LACTBL1: variants seen among roughly 807,000 people sequenced by gnomAD.
The protein encoded by LACTBL1 is lactamase beta like 1.
Under a neutral mutation model 39.6 loss-of-function variants are expected in LACTBL1, and 29 were observed. The observed-to-expected ratio is 0.73, with a 90% CI of 0.55 to 1.00. The LOEUF (loss-of-function observed/expected upper bound fraction) is 1.00, where lower values mean the gene tolerates loss of function less well. Among genes scored for constraint, LACTBL1 ranks in the 50% least tolerant of loss-of-function variants. The probability of loss-of-function intolerance (pLI) is 0.00; values close to 1 mark genes in which losing one functional copy is unlikely to be tolerated. For missense variants in LACTBL1, 711 were observed against 748.5 expected, an observed-to-expected ratio of 0.95 and a Z score of 0.59; for synonymous variants, 361 against 360.7, an observed-to-expected ratio of 1.00 and a Z score of -0.01.
At chr1:22,954,471 C>G (rs1640742502) in intron 5 of LACTBL1, among the ~76,000 whole-genome samples, 1 of 152,234 alleles carries the variant, frequency 6.6e-6, no homozygotes, top group South Asian at 2.1e-4. Flanking sequence ...CAAGAGGCCT[C>G]TTTTCTTTCC....
chr1:22,967,787 ATTTAC>A (rs551137958), upstream of LACTBL1, among the ~76,000 whole-genome samples: 49 of 152,096 alleles, frequency 3.2e-4, no homozygotes, highest in Non-Finnish European at 5.1e-4. Context: ...GTCCTTGCTT[ATTTAC>A]TTTGTCTGTT....
chr1:22,960,867 C>T (rs994122004), intron 2 of LACTBL1, among the ~76,000 whole-genome samples: 1 of 152,116 alleles, frequency 6.6e-6, no homozygotes, highest in African/African-American at 2.4e-5. Context: ...GCAGCCTCAA[C>T]CTTCCAGGCT....
At chr1:22,963,348 G>T (rs78538754) in intron 1 of LACTBL1, 132 bp from the exon 4 acceptor site, 13,762 of 463,278 alleles carry the variant, frequency 0.03, 275 homozygotes, top group Non-Finnish European at 0.039. Flanking sequence ...GGGATATCAG[G>T]GTCCAGAGAC....
intron 1 of LACTBL1, among the ~76,000 whole-genome samples, chr1:22,963,499 T>G (rs997072118): frequency 2.6e-5 from 4 of 152,188 alleles, no homozygotes; most frequent in Non-Finnish European, 5.9e-5. Context: ...CTGTGGTCAG[T>G]GGACTTAGAC....
At chr1:22,962,158 G>A (rs1640829197) in intron 2 of LACTBL1, among the ~76,000 whole-genome samples, 1 of 152,186 alleles carries the variant, frequency 6.6e-6, no homozygotes, top group African/African-American at 2.4e-5. Context: ...ACAGAAGGCA[G>A]CATGGTTATT....
chr1:22,961,083 A>C (rs905525905), intron 2 of LACTBL1, among the ~76,000 whole-genome samples: 1 of 152,184 alleles, frequency 6.6e-6, no homozygotes, highest in African/African-American at 2.4e-5. Context: ...CCTAGCCTGA[A>C]CATTTATTGA....
Position 22,958,565 on chromosome 1 carries a change from C to T in LACTBL1, c.553+120G>A, listed in dbSNP as rs759421335. 82 of 774,752 alleles carry T rather than the reference C, an allele frequency of 1.1e-4. No individual in the cohort carries two copies. In the African/African-American group the frequency reaches 1.3e-3, roughly 12 times the overall value. The allele number at this position is 774,752 out of a possible 1,614,324, so 48.0% of individuals were successfully genotyped here. A position where few individuals can be genotyped will look rare whatever the true frequency, so the allele number is the denominator to read the frequency against. On this transcript the variant is annotated intron_variant, in intron 4 of 5. Transcript: ENST00000426928. ...CACCACCCACATCCCATGAGAGGGA[C>T]GTAGGGCCAGTTCAGGAAGCAGAGC...
chr1:22,968,236 A>G (rs186181889), upstream of LACTBL1, among the ~76,000 whole-genome samples: 3 of 152,290 alleles, frequency 2.0e-5, no homozygotes, highest in African/African-American at 7.2e-5. Context: ...CATACTGGGT[A>G]GTGTAGTAGT....
chr1:22,969,690 C>A (rs991520192), upstream of LACTBL1, among the ~76,000 whole-genome samples: 2 of 148,138 alleles, frequency 1.4e-5, no homozygotes, highest in African/African-American at 4.9e-5. Flanking sequence ...TTCCTTGGGG[C>A]TGTGGTTTCC....
the LACTBL1 span, among the ~76,000 whole-genome samples, chr1:22,972,652 T>C: frequency 0.8 from 121,716 of 151,922 alleles, 49,186 homozygotes; most frequent in Non-Finnish European, 0.83. Flanking sequence ...CCCTCAGTCC[T>C]AGGCAAATGG....
At chr1:22,953,560 A>G in exon 6 of LACTBL1, 1 of 1,249,928 alleles carries the variant, frequency 8.0e-7, no homozygotes, top group Non-Finnish European at 1.0e-6. Context: ...CGGGGGCACC[A>G]GCGAGAAGGT....
At chr1:22,962,570 G>A (rs1308374710) in intron 2 of LACTBL1, among the ~76,000 whole-genome samples, 1 of 152,006 alleles carries the variant, frequency 6.6e-6, no homozygotes, top group Non-Finnish European at 1.5e-5. Context: ...CTGCAATGTG[G>A]GCTCTGTCAT....
At chr1:22,960,306 G>A (rs1403706958) in intron 2 of LACTBL1, among the ~76,000 whole-genome samples, 2 of 152,184 alleles carry the variant, frequency 1.3e-5, no homozygotes, top group Non-Finnish European at 2.9e-5. Context: ...AAATAAAAAA[G>A]GAGAGGGGGT....
intron 3 of LACTBL1, 37 bp downstream of exon 5, chr1:22,959,905 T>G (rs1478094753): frequency 6.5e-7 from 1 of 1,550,056 alleles, no homozygotes. Context: ...TCCCATCCCT[T>G]ACCCCTCCAC....
chr1:22,954,019 T>C (rs1640738774), exon 6 of LACTBL1: 1 of 1,531,054 alleles, frequency 6.5e-7, no homozygotes, highest in Non-Finnish European at 8.8e-7. Context: ...CGTGCTGTAA[T>C]GGCATCTGGA....
intron 4 of LACTBL1, among the ~76,000 whole-genome samples, chr1:22,956,322 A>G (rs1379749107): frequency 6.6e-6 from 1 of 151,346 alleles, no homozygotes; most frequent in African/African-American, 2.4e-5. Flanking sequence ...AGTGGGCCAT[A>G]TTCATGCCAC....
rs191474992 is a variant in LACTBL1 at position 22,957,943 on chromosome 1, C to T, written c.553+742G>A. On this transcript the variant is annotated intron_variant, in intron 4 of 5. Transcript: ENST00000426928. Reference sequence around the variant, plus strand: ...CTGGGATTAAAGGCGTGAGCCACCACGCCCAGCCCTTAATATTCTTAAGAG... The same window carrying T: ...CTGGGATTAAAGGCGTGAGCCACCATGCCCAGCCCTTAATATTCTTAAGAG... Among the ~76,000 whole-genome samples the T allele has an allele frequency of 1.1e-4, 16 of 152,204 alleles. No individual in the cohort carries two copies. The East Asian group carries it at 1.7e-3, about 17-fold the overall frequency.
intron 2 of LACTBL1, among the ~76,000 whole-genome samples, chr1:22,961,295 G>A (rs1306244806): frequency 6.6e-6 from 1 of 152,148 alleles, no homozygotes; most frequent in African/African-American, 2.4e-5. Context: ...TTGCCCAAGT[G>A]GCTACTGGCT....
the LACTBL1 span, among the ~76,000 whole-genome samples, chr1:22,971,649 T>TG: frequency 6.6e-6 from 1 of 152,214 alleles, no homozygotes; most frequent in Non-Finnish European, 1.5e-5. Context: ...TGCTGTGCTC[T>TG]GGGCCACATC....
Sources: allele counts gnomAD v4.1 joint callset (sites outside exome capture counted in the v4.1 genomes callset), GRCh38; gene constraint gnomAD v4.1.1; transcripts MANE v1.5; gene names NCBI Gene and HGNC (gene_info 2026-07-23, HGNC 2026-07-21).